The following B3GALT1 variants were observed in gnomAD, a reference collection of about 807,000 sequenced individuals.
B3GALT1 encodes beta-1,3-galactosyltransferase 1, also known as UDP-Gal:betaGlcNAc beta 1,3-galactosyltransferase, polypeptide 1.
A neutral mutation model predicts 23.2 loss-of-function variants in B3GALT1; 10 were observed. That is an observed-to-expected ratio of 0.43 (90% CI 0.27 to 0.73). The LOEUF (loss-of-function observed/expected upper bound fraction) is 0.73, where lower values mean the gene tolerates loss of function less well. Ranked by LOEUF, B3GALT1 falls within the 30% of genes least tolerant of loss-of-function variation. The pLI is 0.21. For missense variants in B3GALT1, 299 were observed against 405.4 expected (o/e 0.74, Z 2.25); for synonymous variants, 156 against 141.5 (o/e 1.10, Z -0.73).
intron 1 of B3GALT1, among the ~76,000 whole-genome samples, chr2:167,381,954 G>T (rs958711365): frequency 2.6e-5 from 4 of 152,050 alleles, no homozygotes; most frequent in African/African-American, 9.7e-5. Context: ...CGGATATATT[G>T]GGCATAACCT....
At chr2:167,857,909 C>T (rs1236493756) in intron 4 of B3GALT1, among the ~76,000 whole-genome samples, 1 of 152,060 alleles carries the variant, frequency 6.6e-6, no homozygotes, top group Non-Finnish European at 1.5e-5. Context: ...GGCAAGATTA[C>T]ACTTCGGATT....
intron 3 of B3GALT1, among the ~76,000 whole-genome samples, chr2:167,742,849 T>C (rs1043945525): frequency 2.6e-5 from 4 of 152,144 alleles, no homozygotes; most frequent in Non-Finnish European, 5.9e-5. Context: ...TTTCTTCTGG[T>C]TCTCCTCTAA....
chr2:167,688,908 T>C (rs1686662101), intron 3 of B3GALT1, among the ~76,000 whole-genome samples: 1 of 152,102 alleles, frequency 6.6e-6, no homozygotes, highest in African/African-American at 2.4e-5. Context: ...GAGCCTTGTG[T>C]ATTTACTATG....
intron 3 of B3GALT1, among the ~76,000 whole-genome samples, chr2:167,760,993 A>C (rs770998827): frequency 6.6e-6 from 1 of 152,206 alleles, no homozygotes; most frequent in Non-Finnish European, 1.5e-5. Context: ...AGGGTGCTTT[A>C]TAATTCAATA....
intron 3 of B3GALT1, among the ~76,000 whole-genome samples, chr2:167,724,849 C>A (rs1229579713): frequency 6.6e-6 from 1 of 152,140 alleles, no homozygotes; most frequent in African/African-American, 2.4e-5. Context: ...TACGCAGTTG[C>A]AAAAGGACCT....
chr2:167,614,945 G>T (rs1730715), intron 2 of B3GALT1, among the ~76,000 whole-genome samples: 128,359 of 151,860 alleles, frequency 0.85, 54,454 homozygotes, highest in African/African-American at 0.92. Flanking sequence ...AAGTTTCAGA[G>T]TGATTTGAAT....
At chr2:167,739,357 C>T (rs905746897) in intron 3 of B3GALT1, among the ~76,000 whole-genome samples, 7 of 152,108 alleles carry the variant, frequency 4.6e-5, no homozygotes, top group Admixed American at 4.6e-4. Context: ...GACGTAACAG[C>T]TTCCTTGGTC....
chr2:167,449,741 G>A (rs1165108765), intron 1 of B3GALT1, among the ~76,000 whole-genome samples: 1 of 152,120 alleles, frequency 6.6e-6, no homozygotes, highest in Non-Finnish European at 1.5e-5. Context: ...GTCATAGATG[G>A]CTTTTACTAC....
chr2:167,691,957 A>C (rs1686721353), intron 3 of B3GALT1, among the ~76,000 whole-genome samples: 1 of 152,248 alleles, frequency 6.6e-6, no homozygotes, highest in South Asian at 2.1e-4. Context: ...TGCTAAATAT[A>C]TGTGAGGCCT....
At chr2:167,603,380 G>A (rs1359453816) in intron 2 of B3GALT1, among the ~76,000 whole-genome samples, 1 of 152,140 alleles carries the variant, frequency 6.6e-6, no homozygotes, top group Non-Finnish European at 1.5e-5. Context: ...ATAATATTAG[G>A]AAATTCAGCA....
intron 1 of B3GALT1, among the ~76,000 whole-genome samples, chr2:167,338,261 T>C (rs746057929): frequency 2.6e-5 from 4 of 152,202 alleles, no homozygotes; most frequent in Non-Finnish European, 5.9e-5. Flanking sequence ...TCTTAGTTTT[T>C]GGTCTTGCAT....
chr2:167,667,320 G>A (rs906643409), intron 3 of B3GALT1, among the ~76,000 whole-genome samples: 1 of 152,196 alleles, frequency 6.6e-6, no homozygotes, highest in African/African-American at 2.4e-5. Context: ...TGAGAGATCA[G>A]CTGTTAGTCT....
intron 4 of B3GALT1, among the ~76,000 whole-genome samples, chr2:167,826,210 C>G (rs769260497): frequency 1.3e-5 from 2 of 152,136 alleles, no homozygotes; most frequent in Non-Finnish European, 2.9e-5. Flanking sequence ...CACTTGACTC[C>G]CGGTCTTGCG....
intron 2 of B3GALT1, among the ~76,000 whole-genome samples, chr2:167,597,110 T>G (rs1245182835): frequency 6.9e-6 from 1 of 144,622 alleles, no homozygotes; most frequent in African/African-American, 2.7e-5. Flanking sequence ...TTTTGTTTTT[T>G]GTTTTTGTTT....
intron 2 of B3GALT1, among the ~76,000 whole-genome samples, chr2:167,543,701 A>C (rs537768802): frequency 6.2e-4 from 94 of 152,322 alleles, no homozygotes; most frequent in South Asian, 4.3e-3. Context: ...AGTAGCACTG[A>C]AAAAAGTGTT....
chr2:167,459,387 G>A (rs942823755), intron 1 of B3GALT1, among the ~76,000 whole-genome samples: 1 of 152,102 alleles, frequency 6.6e-6, no homozygotes, highest in Non-Finnish European at 1.5e-5. Flanking sequence ...ACAAAACTCT[G>A]ATATAAAGAT....
chr2:167,342,709 A>C (rs1394480255), intron 1 of B3GALT1, among the ~76,000 whole-genome samples: 1 of 151,662 alleles, frequency 6.6e-6, no homozygotes, highest in Admixed American at 6.6e-5. Flanking sequence ...TTCCTCTGTA[A>C]TTCCTTTTCT....
intron 1 of B3GALT1, among the ~76,000 whole-genome samples, chr2:167,400,636 C>G (rs1248068205): frequency 1.3e-5 from 2 of 152,202 alleles, no homozygotes; most frequent in South Asian, 2.1e-4. Flanking sequence ...AGATCTCCCT[C>G]TCAATTCTGT....
At chr2:167,444,974 T>G (rs559145938) in intron 1 of B3GALT1, among the ~76,000 whole-genome samples, 1 of 152,362 alleles carries the variant, frequency 6.6e-6, no homozygotes, top group East Asian at 1.9e-4. Flanking sequence ...CAATTTTAGA[T>G]CTTTCCTGCT....
Sources: allele counts gnomAD v4.1 joint callset (sites outside exome capture counted in the v4.1 genomes callset), GRCh38; gene constraint gnomAD v4.1.1; transcripts MANE v1.5; gene names NCBI Gene and HGNC (gene_info 2026-07-23, HGNC 2026-07-21).